Variants in TMEM132B observed in about 807,000 individuals in gnomAD.
The protein encoded by TMEM132B is transmembrane protein 132B.
Under a neutral mutation model 90.8 loss-of-function variants are expected in TMEM132B, and 18 were observed. The observed-to-expected ratio is 0.20, with a 90% CI of 0.14 to 0.29. The LOEUF is 0.29. Ranked by LOEUF, TMEM132B falls within the 10% of genes least tolerant of loss-of-function variation. TMEM132B has a pLI of 1.00. For synonymous variants in TMEM132B, 504 were observed against 523.3 expected (o/e 0.96, Z 0.50); for missense variants, 1,096 against 1,326.8 (o/e 0.83, Z 2.70).
At chr12:125,307,336 T>C (rs1875997486) in intron 1 of TMEM132B, among the ~76,000 whole-genome samples, 1 of 152,186 alleles carries the variant, frequency 6.6e-6, no homozygotes. Context: ...TGCAGTATCA[T>C]GACAAACCCA....
chr12:125,389,051 C>CAA (rs1878930632), intron 2 of TMEM132B, among the ~76,000 whole-genome samples: 1 of 150,026 alleles, frequency 6.7e-6, no homozygotes, highest in African/African-American at 2.5e-5. Context: ...CACACACACA[C>CAA]ACACAAACAC....
At chr12:125,491,042 T>C (rs981807160) in intron 3 of TMEM132B, among the ~76,000 whole-genome samples, 1 of 151,972 alleles carries the variant, frequency 6.6e-6, no homozygotes, top group Non-Finnish European at 1.5e-5. Flanking sequence ...CCAGCACCAG[T>C]CAAGCCTTTG....
At chr12:125,389,124 A>G (rs746819464) in intron 2 of TMEM132B, among the ~76,000 whole-genome samples, 1 of 152,206 alleles carries the variant, frequency 6.6e-6, no homozygotes, top group African/African-American at 2.4e-5. Context: ...AGCAAGACAG[A>G]TAAAAGTCCT....
intron 4 of TMEM132B, among the ~76,000 whole-genome samples, chr12:125,565,655 GC>G (rs1011988949): frequency 6.6e-6 from 1 of 152,156 alleles, no homozygotes; most frequent in Non-Finnish European, 1.5e-5. Flanking sequence ...ATGGAGTTTG[GC>G]TGTCCAGTGG....
At chr12:125,620,360 T>A (rs1434075793) in intron 5 of TMEM132B, among the ~76,000 whole-genome samples, 2 of 152,224 alleles carry the variant, frequency 1.3e-5, no homozygotes, top group Non-Finnish European at 2.9e-5. Context: ...TTTCCCAAAC[T>A]GTGTGAATTT....
At chr12:125,550,787 T>C (rs1884208666) in intron 4 of TMEM132B, among the ~76,000 whole-genome samples, 1 of 151,336 alleles carries the variant, frequency 6.6e-6, no homozygotes, top group South Asian at 2.1e-4. Context: ...TTTATTTATT[T>C]ATTTTTTTGA....
intron 1 of TMEM132B, among the ~76,000 whole-genome samples, chr12:125,281,950 C>T: frequency 1.4e-5 from 2 of 141,374 alleles, no homozygotes; most frequent in East Asian, 4.4e-4. Flanking sequence ...ATGGCGTGAA[C>T]CCGGGAGGCG....
chr12:125,282,976 G>A (rs920844050), intron 1 of TMEM132B, among the ~76,000 whole-genome samples: 13 of 152,252 alleles, frequency 8.5e-5, no homozygotes, highest in African/African-American at 1.2e-4. Flanking sequence ...GGTACAGCCC[G>A]AGAGCTTGGT....
In TMEM132B at chr12:125,211,130, A is replaced by G. The variant is rs1316754297; in HGVS notation, c.67+24264A>G. Reference sequence around the variant, plus strand: ...TCATGGTTTAGATGTGGAGTATGAAAGAAAGAGGGGAGTCCAGGGATATCT... The same window carrying G: ...TCATGGTTTAGATGTGGAGTATGAAGGAAAGAGGGGAGTCCAGGGATATCT... On this transcript the variant is annotated intron_variant, in intron 1 of 8. Transcript: ENST00000682704. Among the ~76,000 whole-genome samples the G allele has an allele frequency of 6.6e-5, 10 of 152,158 alleles. No homozygotes were observed. In the East Asian group the frequency reaches 1.4e-3, roughly 21 times the overall value.
At chr12:125,369,729 C>A (rs2136268191) in intron 2 of TMEM132B, among the ~76,000 whole-genome samples, 1 of 152,274 alleles carries the variant, frequency 6.6e-6, no homozygotes, top group Non-Finnish European at 1.5e-5. Flanking sequence ...GCATTTTTAC[C>A]TATGGAGGTC....
intron 2 of TMEM132B, among the ~76,000 whole-genome samples, chr12:125,409,104 G>A (rs1187264766): frequency 6.6e-6 from 1 of 152,176 alleles, no homozygotes; most frequent in African/African-American, 2.4e-5. Context: ...TGTGCTCACA[G>A]GTACTCTCCT....
At chr12:125,616,079 C>T (rs1421914914) in intron 5 of TMEM132B, among the ~76,000 whole-genome samples, 3 of 146,760 alleles carry the variant, frequency 2.0e-5, no homozygotes, top group Non-Finnish European at 3.0e-5. Context: ...ATAATGCTAT[C>T]CCTCTCCCCT....
chr12:125,197,148 G>A (rs12581180), intron 1 of TMEM132B, among the ~76,000 whole-genome samples: 3 of 151,428 alleles, frequency 2.0e-5, no homozygotes, highest in Admixed American at 6.6e-5. Flanking sequence ...ATTCTCTCCC[G>A]CCTCCCACCC....
At chr12:125,318,938 G>A (rs1002437867) in intron 1 of TMEM132B, among the ~76,000 whole-genome samples, 9 of 152,220 alleles carry the variant, frequency 5.9e-5, no homozygotes, top group Admixed American at 4.6e-4. Flanking sequence ...TAGTCTGGAA[G>A]TTGCTGGACT....
chr12:125,561,607 T>C (rs1192462254), intron 4 of TMEM132B, among the ~76,000 whole-genome samples: 1 of 152,138 alleles, frequency 6.6e-6, no homozygotes, highest in Admixed American at 6.5e-5. Flanking sequence ...GCTGAATGGA[T>C]GTTGTGTTAT....
chr12:125,508,650 C>T (rs916672091), intron 3 of TMEM132B, among the ~76,000 whole-genome samples: 1 of 152,138 alleles, frequency 6.6e-6, no homozygotes, highest in Non-Finnish European at 1.5e-5. Context: ...TAGAGGATCC[C>T]CACTTAATGA....
chr12:125,396,858 A>G (rs1879182984), intron 2 of TMEM132B, among the ~76,000 whole-genome samples: 1 of 152,200 alleles, frequency 6.6e-6, no homozygotes, highest in Admixed American at 6.5e-5. Context: ...ACAGAGGCAC[A>G]AAGAGGTTAC....
chr12:125,482,251 A>T (rs1411978185), intron 3 of TMEM132B, among the ~76,000 whole-genome samples: 1 of 152,238 alleles, frequency 6.6e-6, no homozygotes, highest in Admixed American at 6.5e-5. Context: ...AAAATAGACA[A>T]ATGTGATCTA....
rs59220510 is a variant in TMEM132B, at chr12:125,325,669, CTGTGTGTGTGTGTGTGTG to C, written c.68-23749_68-23732del. ...TTGCATTCTTTCCCTGCCTCCCACCCTGTGTGTGTGTGTGTGTGTGTGTGTGTGTGTGTGTGTGTGTGT... is the reference window on the plus strand; with the variant it reads ...TTGCATTCTTTCCCTGCCTCCCACCCTGTGTGTGTGTGTGTGTGTGTGTGT... On this transcript the variant is annotated intron_variant, in intron 1 of 8. Transcript: ENST00000682704. 7.5e-3 allele frequency among the ~76,000 whole-genome samples: 928 copies of C among 124,388 alleles called. 10 individuals carry two copies. Among genetic ancestry groups the C allele is most frequent in the African/African-American group, 0.023 (803 of 35,094 alleles). 81.6% of individuals were successfully genotyped at this position (124,388 alleles called of 152,430 possible).
Sources: gnomAD v4.1 joint callset for allele counts (sites outside exome capture counted in the v4.1 genomes callset) on GRCh38, gnomAD v4.1.1 for gene constraint, MANE v1.5 for transcripts, NCBI Gene and HGNC (gene_info 2026-07-23, HGNC 2026-07-21) for gene names.